The following TNFSF4 variants were observed in gnomAD, a reference collection of about 807,000 sequenced individuals.
TNFSF4 encodes tumor necrosis factor ligand superfamily member 4.
A neutral mutation model predicts 7.3 loss-of-function variants in TNFSF4; 4 were observed. That is an observed-to-expected ratio of 0.55 (90% CI 0.27 to 1.25). The LOEUF (loss-of-function observed/expected upper bound fraction) is 1.25, where lower values mean the gene tolerates loss of function less well. Ranked by LOEUF, TNFSF4 falls within the 50% of genes most tolerant of loss-of-function variation. TNFSF4 has a pLI of 0.12. For missense variants in TNFSF4, 181 were observed against 208.8 expected (o/e 0.87, Z 0.82); for synonymous variants, 76 against 83.7 (o/e 0.91, Z 0.50).
intron 1 of TNFSF4, among the ~76,000 whole-genome samples, chr1:173,191,058 A>C (rs1213012954): frequency 6.6e-6 from 1 of 152,240 alleles, no homozygotes; most frequent in Non-Finnish European, 1.5e-5. Flanking sequence ...CCTGATCTAA[A>C]AGCCCTTGTG....
chr1:173,300,223 G>A, the TNFSF4 span, among the ~76,000 whole-genome samples: 17 of 151,272 alleles, frequency 1.1e-4, no homozygotes, highest in African/African-American at 4.1e-4. Flanking sequence ...AGCAGAAGTT[G>A]GTATTTAAAG....
At chr1:173,388,066 T>C in the TNFSF4 span, among the ~76,000 whole-genome samples, 13 of 152,216 alleles carry the variant, frequency 8.5e-5, no homozygotes, top group Admixed American at 6.5e-5. Flanking sequence ...ACCTTTCACA[T>C]TGGTTCAGGA....
the TNFSF4 span, among the ~76,000 whole-genome samples, chr1:173,293,484 C>A: frequency 6.6e-6 from 1 of 152,066 alleles, no homozygotes; most frequent in African/African-American, 2.4e-5. Context: ...AAATTAAAGA[C>A]TTAAATTTAA....
chr1:173,175,445 T>C, the TNFSF4 span: 2 of 152,240 alleles, frequency 1.3e-5, no homozygotes, highest in Non-Finnish European at 2.9e-5. Flanking sequence ...TTAATAAATC[T>C]CTAGTGTAAA....
At chr1:173,371,888 A>G in the TNFSF4 span, among the ~76,000 whole-genome samples, 5 of 152,150 alleles carry the variant, frequency 3.3e-5, no homozygotes, top group African/African-American at 1.2e-4. Context: ...CCCAACTTAC[A>G]TGGACGGTCT....
In TNFSF4 at chr1:173,207,024, CT is replaced by C; in HGVS notation, c.152del (p.Gln51ArgfsTer36). ...TYICLHFSALQVSHRYPRIQS... is the reference protein window; with the variant it reads ...TYICLHFSALXVSHRYPRIQS... ...AACAGCGCCCAGTGGTGCATCTTAC[CT>C]GAAGAGCAGAGAAGTGCAGGCAGAT... On this transcript the variant is annotated frameshift_variant and splice_region_variant, in exon 1 of 3. Transcript: ENST00000281834. LOFTEE classifies it low-confidence loss of function (END_TRUNC). 1 of 1,609,020 alleles carries C rather than the reference CT, an allele frequency of 6.2e-7. No homozygotes were observed. The highest frequency in any genetic ancestry group is 8.5e-7 in the Non-Finnish European group (1 of 1,176,914).
At chr1:173,378,126 T>A in the TNFSF4 span, among the ~76,000 whole-genome samples, 1 of 152,190 alleles carries the variant, frequency 6.6e-6, no homozygotes, top group South Asian at 2.1e-4. Flanking sequence ...CCTTCCTCGG[T>A]CCTCCTTGTG....
chr1:173,446,400 C>A, the TNFSF4 span, among the ~76,000 whole-genome samples: 1 of 152,198 alleles, frequency 6.6e-6, no homozygotes, highest in Admixed American at 6.5e-5. Flanking sequence ...TACATAGTGA[C>A]TTTATTCATA....
At chr1:173,311,811 C>T in the TNFSF4 span, among the ~76,000 whole-genome samples, 1 of 152,102 alleles carries the variant, frequency 6.6e-6, no homozygotes, top group Admixed American at 6.6e-5. Flanking sequence ...ATGATCAGTA[C>T]CTCAAGCAGG....
the TNFSF4 span, among the ~76,000 whole-genome samples, chr1:173,434,407 T>C: frequency 1.3e-5 from 2 of 152,200 alleles, no homozygotes; most frequent in Non-Finnish European, 2.9e-5. Context: ...GGCAGAAAAG[T>C]GAGCAAGTGA....
At chr1:173,252,592 A>G in the TNFSF4 span, among the ~76,000 whole-genome samples, 1 of 152,164 alleles carries the variant, frequency 6.6e-6, no homozygotes, top group East Asian at 1.9e-4. Flanking sequence ...TGCATAGGAA[A>G]TTTCTCAATG....
At chr1:173,401,291 T>C in the TNFSF4 span, among the ~76,000 whole-genome samples, 1 of 152,202 alleles carries the variant, frequency 6.6e-6, no homozygotes, top group African/African-American at 2.4e-5. Context: ...AAGTATGGTT[T>C]CAGGAGGCAC....
At chr1:173,421,227 T>C in the TNFSF4 span, among the ~76,000 whole-genome samples, 1 of 152,182 alleles carries the variant, frequency 6.6e-6, no homozygotes, top group Non-Finnish European at 1.5e-5. Flanking sequence ...AGTTATTGCA[T>C]GGGACATAAA....
chr1:173,413,345 T>C, the TNFSF4 span, among the ~76,000 whole-genome samples: 1 of 152,230 alleles, frequency 6.6e-6, no homozygotes, highest in Non-Finnish European at 1.5e-5. Context: ...GGTTTCCCTG[T>C]ATCTGTGGGG....
the TNFSF4 span, among the ~76,000 whole-genome samples, chr1:173,440,182 G>C: frequency 7.9e-5 from 12 of 152,316 alleles, no homozygotes; most frequent in African/African-American, 2.2e-4. Flanking sequence ...ACAAGCCCCA[G>C]AGAACATGCA....
At chr1:173,315,460 T>A in the TNFSF4 span, among the ~76,000 whole-genome samples, 2 of 152,114 alleles carry the variant, frequency 1.3e-5, no homozygotes, top group African/African-American at 4.8e-5. Context: ...GAGTTCTTTG[T>A]CTATTTATGT....
chr1:173,329,764 C>T, the TNFSF4 span, among the ~76,000 whole-genome samples: 1 of 151,374 alleles, frequency 6.6e-6, no homozygotes. Context: ...TGTGTTGCTA[C>T]TAAGAAATTT....
the TNFSF4 span, among the ~76,000 whole-genome samples, chr1:173,381,235 G>C: frequency 6.6e-6 from 1 of 152,082 alleles, no homozygotes; most frequent in Non-Finnish European, 1.5e-5. Context: ...CAAAACCGCC[G>C]AGGCCTAGAC....
chr1:173,267,870 T>TGAGAGGAGAGGAGAG, the TNFSF4 span, among the ~76,000 whole-genome samples: 1 of 134,734 alleles, frequency 7.4e-6, no homozygotes, highest in Non-Finnish European at 1.6e-5. Context: ...AGTGAGGAGA[T>TGAGAGGAGAGGAGAG]GAGAGGAGAG....
Sources: gnomAD v4.1 joint callset for allele counts (sites outside exome capture counted in the v4.1 genomes callset) on GRCh38, gnomAD v4.1.1 for gene constraint, MANE v1.5 for transcripts, NCBI Gene and HGNC (gene_info 2026-07-23, HGNC 2026-07-21) for gene names.